The following DLGAP1 variants were observed in gnomAD, a reference collection of about 807,000 sequenced individuals.
The protein encoded by DLGAP1 is disks large-associated protein 1.
DLGAP1 carries 11 observed loss-of-function variants against 90.8 expected under a neutral mutation model. The observed-to-expected ratio is 0.12, with a 90% CI of 0.08 to 0.20. The LOEUF (loss-of-function observed/expected upper bound fraction) is 0.20. DLGAP1 is among the 10% of genes least tolerant of loss of function. DLGAP1 has a pLI of 1.00. For synonymous variants in DLGAP1, 558 were observed against 540.7 expected (o/e 1.03, Z -0.44); for missense variants, 1,050 against 1,333.8 (o/e 0.79, Z 3.31).
At chr18:3,739,534 C>G (rs1430458559) in intron 6 of DLGAP1, among the ~76,000 whole-genome samples, 6 of 146,882 alleles carry the variant, frequency 4.1e-5, no homozygotes, top group African/African-American at 1.5e-4. Context: ...GAACAAAAAA[C>G]CAAACACCGC....
At chr18:3,738,634 T>C (rs1454443462) in intron 6 of DLGAP1, among the ~76,000 whole-genome samples, 5 of 152,020 alleles carry the variant, frequency 3.3e-5, no homozygotes, top group Non-Finnish European at 5.9e-5. Context: ...TCAAGATGAA[T>C]TAAAGACTTA....
chr18:4,349,041 C>T (rs1567852191), intron 1 of DLGAP1, among the ~76,000 whole-genome samples: 1 of 152,092 alleles, frequency 6.6e-6, no homozygotes, highest in African/African-American at 2.4e-5. Flanking sequence ...CAAACTCTTT[C>T]ACCATAAGAT....
intron 3 of DLGAP1, among the ~76,000 whole-genome samples, chr18:3,914,712 C>G (rs2148900981): frequency 6.6e-6 from 1 of 152,106 alleles, no homozygotes; most frequent in South Asian, 2.1e-4. Flanking sequence ...TTCTCTACAC[C>G]CTTGCCAGTA....
chr18:3,787,662 G>A lies in DLGAP1; in HGVS notation c.1172+26397C>T, dbSNP rs552066651. Among the ~76,000 whole-genome samples the A allele has an allele frequency of 7.2e-5, 11 of 152,046 alleles. No homozygotes were observed. The East Asian group carries it at 9.7e-4, about 13-fold the overall frequency. On this transcript the variant is annotated intron_variant, in intron 5 of 12. Coordinates refer to ENST00000315677, the MANE Select transcript of DLGAP1 (RefSeq NM_004746.4). Reference sequence around the variant, plus strand: ...ATGATCCTCTTGGCAGTTTTACCTCGTTCTTACCGGTATTCATTCCTTCTA... The same window carrying A: ...ATGATCCTCTTGGCAGTTTTACCTCATTCTTACCGGTATTCATTCCTTCTA...
rs1235609767 is a variant in DLGAP1 at position 3,527,416 on chromosome 18, T to G, written c.2479+6778A>C. Among the ~76,000 whole-genome samples, 56 of 146,832 alleles carry G rather than the reference T, an allele frequency of 3.8e-4. 1 individual carries two copies. The highest frequency in any genetic ancestry group is 9.3e-4 in the African/African-American group (37 of 39,646). On this transcript the variant is annotated intron_variant, in intron 10 of 12. Transcript: ENST00000315677. ...AAACAGGTTATTTTCCAAACTTTTT[T>G]TTTTTTTTTTTTTTTTGCCATGGAT...
At chr18:3,963,229 C>A (rs1343037599) in intron 3 of DLGAP1, among the ~76,000 whole-genome samples, 1 of 151,992 alleles carries the variant, frequency 6.6e-6, no homozygotes, top group East Asian at 1.9e-4. Flanking sequence ...GGAGGCTTCA[C>A]CTGAAGCTGG....
intron 9 of DLGAP1, among the ~76,000 whole-genome samples, chr18:3,540,469 CAAA>C (rs60740209): frequency 3.3e-4 from 19 of 58,006 alleles, no homozygotes; most frequent in African/African-American, 7.4e-4. Flanking sequence ...GGCCCTGTGT[CAAA>C]AAAAAAAAAA....
intron 9 of DLGAP1, among the ~76,000 whole-genome samples, chr18:3,557,488 C>T (rs898151271): frequency 7.9e-5 from 12 of 152,310 alleles, no homozygotes; most frequent in African/African-American, 2.6e-4. Flanking sequence ...CACCACTGCA[C>T]TCCAGCCTGG....
chr18:3,788,516 C>T (rs150595432), intron 5 of DLGAP1, among the ~76,000 whole-genome samples: 99 of 152,326 alleles, frequency 6.5e-4, no homozygotes, highest in African/African-American at 2.3e-3. Context: ...ATAATTTCTA[C>T]TTCTACAACA....
chr18:3,741,150 TCAC>T (rs1445010443), intron 6 of DLGAP1, among the ~76,000 whole-genome samples: 6 of 27,916 alleles, frequency 2.1e-4, no homozygotes, highest in African/African-American at 3.9e-4. Flanking sequence ...ACCATCACCA[TCAC>T]CACCACCATC....
intron 10 of DLGAP1, among the ~76,000 whole-genome samples, chr18:3,516,264 C>T (rs2050840794): frequency 6.6e-6 from 1 of 150,946 alleles, no homozygotes; most frequent in Non-Finnish European, 1.5e-5. Flanking sequence ...TTTTTGGGTG[C>T]ACGGTGTATA....
chr18:3,617,824 C>A (rs1167790550), intron 7 of DLGAP1, among the ~76,000 whole-genome samples: 2 of 151,824 alleles, frequency 1.3e-5, no homozygotes, highest in East Asian at 3.9e-4. Flanking sequence ...CACCTGAGCT[C>A]AGGAGATCGA....
At chr18:3,613,407 C>T (rs984265010) in intron 7 of DLGAP1, among the ~76,000 whole-genome samples, 4 of 152,180 alleles carry the variant, frequency 2.6e-5, no homozygotes, top group East Asian at 1.9e-4. Flanking sequence ...TCATGGCTCA[C>T]GGCAGCTTCA....
At chr18:4,419,300 C>T (rs1184796149) in intron 1 of DLGAP1, among the ~76,000 whole-genome samples, 1 of 152,056 alleles carries the variant, frequency 6.6e-6, no homozygotes, top group Non-Finnish European at 1.5e-5. Context: ...TCCCACAACA[C>T]GTGGGAATTA....
chr18:4,172,350 G>A (rs547077092), intron 1 of DLGAP1, among the ~76,000 whole-genome samples: 43 of 152,234 alleles, frequency 2.8e-4, no homozygotes, highest in African/African-American at 5.1e-4. Context: ...GCCAATGTTC[G>A]TCCCTTTTAA....
At chr18:3,673,569 A>G (rs745979736) in intron 7 of DLGAP1, among the ~76,000 whole-genome samples, 1 of 152,036 alleles carries the variant, frequency 6.6e-6, no homozygotes. Context: ...TTTTTTTTGG[A>G]TGGAGTCTCA....
At chr18:3,588,258 G>A (rs1351029676) in intron 7 of DLGAP1, among the ~76,000 whole-genome samples, 12 of 152,268 alleles carry the variant, frequency 7.9e-5, no homozygotes, top group East Asian at 1.9e-4. Context: ...TTGGGAGTTC[G>A]AGACCAGCCT....
rs190668724 is a variant in DLGAP1 at position 3,797,543 on chromosome 18, C to T, written c.1172+16516G>A. 2.6e-3 allele frequency among the ~76,000 whole-genome samples: 401 copies of T among 152,054 alleles called. 1 individual carries two copies. Among genetic ancestry groups the T allele is most frequent in the Non-Finnish European group, 4.8e-3 (324 of 67,992 alleles). On this transcript the variant is annotated intron_variant, in intron 5 of 12. Coordinates refer to ENST00000315677, the MANE Select transcript of DLGAP1 (RefSeq NM_004746.4). ...TTGTTATAGCAGCCTGAGAATACTA[C>T]CAGATGTAGGTCAAAGGATGAAAAA...
At chr18:3,515,491 A>G (rs9748427) in intron 10 of DLGAP1, among the ~76,000 whole-genome samples, 96,855 of 138,424 alleles carry the variant, frequency 0.7, 34,111 homozygotes, top group South Asian at 0.78. Flanking sequence ...AAAAAATTGG[A>G]GTCAAGGCTG....
Sources: allele counts gnomAD v4.1 joint callset (sites outside exome capture counted in the v4.1 genomes callset), GRCh38; gene constraint gnomAD v4.1.1; transcripts MANE v1.5; gene names NCBI Gene and HGNC (gene_info 2026-07-23, HGNC 2026-07-21).